Variants in MOXD1 observed in about 807,000 individuals in gnomAD.
MOXD1 encodes monooxygenase DBH like 1.
MOXD1 carries 62 observed loss-of-function variants against 66.6 expected under a neutral mutation model. The ratio of observed to expected loss-of-function variants is 0.93; its 90% CI spans 0.76 to 1.15. The LOEUF is 1.15. MOXD1 is among the 50% of genes most tolerant of loss of function. The pLI is 0.00. For missense variants in MOXD1, 847 were observed against 754.6 expected (o/e 1.12, Z -1.44); for synonymous variants, 303 against 281.9 (o/e 1.07, Z -0.75).
At chr6:132,374,413 C>G (rs1230272093) in intron 2 of MOXD1, among the ~76,000 whole-genome samples, 1 of 151,408 alleles carries the variant, frequency 6.6e-6, no homozygotes, top group Admixed American at 6.6e-5. Flanking sequence ...GTTAAACTCA[C>G]ACAAAAATGG....
chr6:132,323,509 TTA>T (rs1194766159), intron 7 of MOXD1, among the ~76,000 whole-genome samples: 1 of 152,162 alleles, frequency 6.6e-6, no homozygotes, highest in Non-Finnish European at 1.5e-5. Context: ...ATATATTTTT[TTA>T]TATTAGTTAT....
At chr6:132,348,459 C>A (rs1775712716) in intron 4 of MOXD1, among the ~76,000 whole-genome samples, 1 of 152,164 alleles carries the variant, frequency 6.6e-6, no homozygotes, top group South Asian at 2.1e-4. Flanking sequence ...ACGCAAGGGT[C>A]ATTAGTCTTA....
intron 4 of MOXD1, among the ~76,000 whole-genome samples, chr6:132,363,410 C>G (rs1776055217): frequency 1.3e-5 from 2 of 152,046 alleles, no homozygotes; most frequent in Admixed American, 1.3e-4. Context: ...AAAAGTAGCT[C>G]AGGTTCTGAC....
At chr6:132,376,868 T>A (rs1416572560) in intron 1 of MOXD1, among the ~76,000 whole-genome samples, 1 of 152,244 alleles carries the variant, frequency 6.6e-6, no homozygotes, top group Non-Finnish European at 1.5e-5. Flanking sequence ...ATGTATTAAC[T>A]AAACTAATCT....
intron 1 of MOXD1, among the ~76,000 whole-genome samples, chr6:132,394,098 G>T (rs1416392205): frequency 6.6e-5 from 10 of 152,060 alleles, no homozygotes; most frequent in Non-Finnish European, 1.5e-5. Context: ...CACCACTGAG[G>T]CCCAAAGACT....
In MOXD1 at chr6:132,322,910, A is replaced by G. The variant is rs755529764; in HGVS notation, c.1114-40T>C. The G allele has an allele frequency of 3.9e-6, 6 of 1,536,666 alleles. No individual in the cohort carries two copies. The African/African-American group carries it at 4.2e-5, about 11-fold the overall frequency. ...GAGGAAGACCCGATTAGCCCACATT[A>G]ATGCATGTTCAGACAGTTTACATTC... On this transcript the variant is annotated intron_variant, in intron 7 of 11. Coordinates refer to ENST00000367963, the MANE Select transcript of MOXD1 (RefSeq NM_015529.4).
At chr6:132,347,625 C>T (rs972825382) in intron 4 of MOXD1, among the ~76,000 whole-genome samples, 1 of 150,680 alleles carries the variant, frequency 6.6e-6, no homozygotes, top group Non-Finnish European at 1.5e-5. Context: ...TGTAGTGAGC[C>T]AAGATTGTAC....
chr6:132,394,704 G>A (rs1258161152), intron 1 of MOXD1, among the ~76,000 whole-genome samples: 1 of 152,046 alleles, frequency 6.6e-6, no homozygotes, highest in African/African-American at 2.4e-5. Flanking sequence ...TTCAACAACA[G>A]ACTAGATGAA....
rs527256815 is a variant in MOXD1, at chr6:132,342,280, G to A, written c.664-13686C>T. Among the ~76,000 whole-genome samples, 393 of 152,274 alleles carry A rather than the reference G, an allele frequency of 2.6e-3. 4 individuals carry two copies. Among genetic ancestry groups the A allele is most frequent in the African/African-American group, 9.0e-3 (376 of 41,550 alleles). On this transcript the variant is annotated intron_variant, in intron 4 of 11. Transcript: ENST00000367963. ...CTCCCAAAGTGCCAGGATTACAGGC[G>A]TGAGCCACCACGCCTGGCCCAAATC... is the stretch of plus-strand genomic sequence containing the variant.
chr6:132,311,018 G>A (rs183539149), intron 10 of MOXD1, among the ~76,000 whole-genome samples: 2 of 152,268 alleles, frequency 1.3e-5, no homozygotes, highest in Non-Finnish European at 2.9e-5. Context: ...TGTGTTCCAG[G>A]AAAACTTAAT....
intron 1 of MOXD1, among the ~76,000 whole-genome samples, chr6:132,398,934 T>TAA (rs146123208): frequency 4.1e-5 from 3 of 73,636 alleles, no homozygotes; most frequent in East Asian, 2.5e-4. Context: ...AGAGACTTTG[T>TAA]CAAAAAAAAA....
chr6:132,299,130 A>G (rs1774473672), intron 10 of MOXD1, among the ~76,000 whole-genome samples: 1 of 152,214 alleles, frequency 6.6e-6, no homozygotes, highest in African/African-American at 2.4e-5. Context: ...TTGCAGCAGC[A>G]TGGGTGCATC....
At chr6:132,326,792 T>C (rs1562282992) in intron 6 of MOXD1, among the ~76,000 whole-genome samples, 2 of 152,110 alleles carry the variant, frequency 1.3e-5, no homozygotes. Context: ...TACTTTAGGG[T>C]AAAAAAAGAT....
chr6:132,370,819 A>C (rs1347332529), intron 4 of MOXD1, among the ~76,000 whole-genome samples: 1 of 152,190 alleles, frequency 6.6e-6, no homozygotes, highest in Admixed American at 6.6e-5. Flanking sequence ...CATGTGTCTG[A>C]GAATTACTTG....
chr6:132,376,860 G>A (rs932774905), intron 1 of MOXD1, among the ~76,000 whole-genome samples: 1 of 152,206 alleles, frequency 6.6e-6, no homozygotes, highest in African/African-American at 2.4e-5. Context: ...CCTGTTACAT[G>A]TATTAACTAA....
intron 1 of MOXD1, among the ~76,000 whole-genome samples, chr6:132,396,784 A>AAATTCCTTG (rs1346248650): frequency 6.6e-6 from 1 of 152,222 alleles, no homozygotes; most frequent in African/African-American, 2.4e-5. Flanking sequence ...GGAAATAGAT[A>AAATTCCTTG]AATTCCTTGA....
intron 4 of MOXD1, among the ~76,000 whole-genome samples, chr6:132,370,030 C>T (rs930357851): frequency 1.3e-5 from 2 of 152,076 alleles, no homozygotes; most frequent in African/African-American, 4.8e-5. Flanking sequence ...TCTTAAAACT[C>T]ACTGCAAATG....
intron 4 of MOXD1, among the ~76,000 whole-genome samples, chr6:132,370,770 A>G (rs1481053253): frequency 6.6e-6 from 1 of 152,180 alleles, no homozygotes; most frequent in Non-Finnish European, 1.5e-5. Flanking sequence ...TGTCTAGTGA[A>G]GACAGCTATG....
intron 1 of MOXD1, among the ~76,000 whole-genome samples, chr6:132,380,947 A>G (rs2114675572): frequency 6.6e-6 from 1 of 152,276 alleles, no homozygotes; most frequent in East Asian, 1.9e-4. Flanking sequence ...CGACATTAGT[A>G]TTCAGAAAAA....
Sources: gnomAD v4.1 joint callset for allele counts (sites outside exome capture counted in the v4.1 genomes callset) on GRCh38, gnomAD v4.1.1 for gene constraint, MANE v1.5 for transcripts, NCBI Gene and HGNC (gene_info 2026-07-23, HGNC 2026-07-21) for gene names.